The following RFC3 variants were observed in gnomAD, a reference collection of about 807,000 sequenced individuals.
The protein encoded by RFC3 is replication factor C subunit 3.
In RFC3, 41 loss-of-function variants were observed where a neutral mutation model predicts 45.1. The observed-to-expected ratio is 0.91, with a 90% CI of 0.71 to 1.18. The LOEUF (loss-of-function observed/expected upper bound fraction) is 1.18, where lower values mean the gene tolerates loss of function less well. Ranked by LOEUF, RFC3 falls within the 50% of genes most tolerant of loss-of-function variation. The pLI, the probability that RFC3 is intolerant of heterozygous loss-of-function variation, is 0.00. For synonymous variants in RFC3, 149 were observed against 144.0 expected (o/e 1.03, Z -0.25); for missense variants, 423 against 428.1 (o/e 0.99, Z 0.10).
intron 8 of RFC3, among the ~76,000 whole-genome samples, chr13:33,939,830 T>C (rs1410161688): frequency 6.6e-6 from 1 of 152,130 alleles, no homozygotes; most frequent in African/African-American, 2.4e-5. Context: ...GAGAATAGGT[T>C]GTTGGTGTCA....
At chr13:33,967,595 C>T (rs1273996729), downstream of RFC3, among the ~76,000 whole-genome samples, 1 of 143,640 alleles carries the variant, frequency 7.0e-6, no homozygotes, top group Non-Finnish European at 1.5e-5. Context: ...TCAAGCGATT[C>T]TCCTGCCTCA....
rs760399344 is a variant in RFC3 at position 33,821,283 on chromosome 13, T to G, written c.225+14T>G. The G allele has an allele frequency of 8.1e-6, 13 of 1,612,100 alleles. No individual in the cohort carries two copies. Among genetic ancestry groups the G allele is most frequent in the Non-Finnish European group, 1.0e-5 (12 of 1,178,622 alleles). On this transcript the variant is annotated intron_variant, in intron 2 of 8. Coordinates refer to ENST00000380071, the MANE Select transcript of RFC3 (RefSeq NM_002915.4). ...CAGACCATCACAGTAAGCATTTCAC[T>G]TTGAGGCCCTGAAAGTAATTTATAG...
intron 8 of RFC3, among the ~76,000 whole-genome samples, chr13:33,907,565 C>T (rs1032000434): frequency 1.3e-5 from 2 of 151,968 alleles, no homozygotes; most frequent in Non-Finnish European, 2.9e-5. Context: ...TGAAAAACTT[C>T]TTGTAGATTT....
chr13:33,840,203 C>T (rs1319166282), downstream of RFC3, among the ~76,000 whole-genome samples: 1 of 152,020 alleles, frequency 6.6e-6, no homozygotes, highest in Admixed American at 6.6e-5. Flanking sequence ...TTTTTCTGCC[C>T]CTTCCTCTAA....
At chr13:33,975,470 A>G in the RFC3 span, among the ~76,000 whole-genome samples, 1 of 152,246 alleles carries the variant, frequency 6.6e-6, no homozygotes, top group Non-Finnish European at 1.5e-5. Context: ...AATGGTAGAT[A>G]CTTGCCATAA....
chr13:33,924,111 G>A (rs1230402846), intron 8 of RFC3, among the ~76,000 whole-genome samples: 1 of 152,130 alleles, frequency 6.6e-6, no homozygotes, highest in Admixed American at 6.6e-5. Flanking sequence ...AACCTAGGAG[G>A]AAGTGTGCTT....
chr13:33,833,542 G>A (rs1051738528), intron 7 of RFC3, among the ~76,000 whole-genome samples: 34 of 152,150 alleles, frequency 2.2e-4, no homozygotes, highest in African/African-American at 7.7e-4. Flanking sequence ...TGTAGAATAT[G>A]TTAATTTTGT....
downstream of RFC3, among the ~76,000 whole-genome samples, chr13:33,971,231 G>C (rs1384628689): frequency 5.3e-5 from 8 of 152,136 alleles, no homozygotes; most frequent in African/African-American, 1.9e-4. Flanking sequence ...TCTCACTTCA[G>C]AATTGGAACC....
intron 8 of RFC3, among the ~76,000 whole-genome samples, chr13:33,937,729 A>C (rs2082896208): frequency 6.6e-6 from 1 of 152,180 alleles, no homozygotes; most frequent in Non-Finnish European, 1.5e-5. Flanking sequence ...AAATTAATCT[A>C]ACTGAAATTG....
In RFC3 at chr13:33,831,264, T is replaced by C; in HGVS notation, c.719T>C (p.Phe240Ser). The change falls in exon 7 of 9, where the codon TTT (phenylalanine) becomes TCT (serine). Residue 240 changes from phenylalanine (F) to serine (S), a missense_variant. Transcript: ENST00000380071. ...CEACRVQQYPFTADQEIPETD... is the reference protein window; with the variant it reads ...CEACRVQQYPSTADQEIPETD... ...CTCTTTTTGTCATGTAGATATCCTT[T>C]TACTGCAGATCAAGAAATCCCTGAG... The C allele has an allele frequency of 6.3e-7, 1 of 1,589,394 alleles. No individual in the cohort carries two copies. The highest frequency in any genetic ancestry group is 8.6e-7 in the Non-Finnish European group (1 of 1,157,422).
chr13:33,907,299 C>G (rs2082677682), intron 8 of RFC3, among the ~76,000 whole-genome samples: 1 of 152,034 alleles, frequency 6.6e-6, no homozygotes, highest in Non-Finnish European at 1.5e-5. Context: ...GAGTTGCAAT[C>G]TTTATACACC....
chr13:33,968,363 A>T (rs1014193692), downstream of RFC3, among the ~76,000 whole-genome samples: 1 of 152,164 alleles, frequency 6.6e-6, no homozygotes, highest in African/African-American at 2.4e-5. Context: ...CCCGACCTCA[A>T]GTGATCCTCC....
At chr13:33,852,119 G>A (rs1223517980) in intron 8 of RFC3, among the ~76,000 whole-genome samples, 1 of 152,176 alleles carries the variant, frequency 6.6e-6, no homozygotes, top group East Asian at 1.9e-4. Context: ...ATAAAAAGCA[G>A]TAAGCAAAGA....
intron 8 of RFC3, among the ~76,000 whole-genome samples, chr13:33,904,697 C>T (rs1400426524): frequency 6.6e-6 from 1 of 151,980 alleles, no homozygotes; most frequent in Non-Finnish European, 1.5e-5. Context: ...CACAATCTGG[C>T]CTTAATCTGC....
intron 8 of RFC3, among the ~76,000 whole-genome samples, chr13:33,894,372 G>T (rs1289110115): frequency 1.3e-5 from 2 of 152,322 alleles, no homozygotes; most frequent in African/African-American, 4.8e-5. Flanking sequence ...GGGAATGGAG[G>T]GAAGTCGTTC....
intron 8 of RFC3, among the ~76,000 whole-genome samples, chr13:33,942,604 G>A (rs1023386614): frequency 3.9e-5 from 6 of 152,054 alleles, no homozygotes; most frequent in African/African-American, 1.4e-4. Flanking sequence ...TTCCTGTGAT[G>A]TCTGATTAAA....
chr13:33,818,683 G>A (rs2081971779), intron 1 of RFC3, among the ~76,000 whole-genome samples: 2 of 152,198 alleles, frequency 1.3e-5, no homozygotes, highest in Admixed American at 6.5e-5. Flanking sequence ...TTGGAGTGCA[G>A]ACCCAGTCAG....
chr13:33,879,359 A>G lies in RFC3; in HGVS notation c.879+44142A>G, dbSNP rs372013368. The stretch of plus-strand genomic sequence containing the variant: ...TTTCCTGAAGCAAAATAGGCTAGCT[A>G]ATTTTATCCTCAGTCATTTCCAGGC... On this transcript the variant is annotated intron_variant, in intron 8 of 8. Transcript: ENST00000434425. Among the ~76,000 whole-genome samples, 5 of 152,290 alleles carry G rather than the reference A, an allele frequency of 3.3e-5. No individual in the cohort carries two copies. The East Asian group carries it at 5.8e-4, about 18-fold the overall frequency.
downstream of RFC3, among the ~76,000 whole-genome samples, chr13:33,968,643 T>C (rs940110731): frequency 6.6e-6 from 1 of 152,212 alleles, no homozygotes. Flanking sequence ...TCCAACATTG[T>C]TGAAAAATGT....
Sources: allele counts gnomAD v4.1 joint callset (sites outside exome capture counted in the v4.1 genomes callset), GRCh38; gene constraint gnomAD v4.1.1; transcripts MANE v1.5; gene names NCBI Gene and HGNC (gene_info 2026-07-23, HGNC 2026-07-21).